Variants in PRKCSH observed in about 807,000 individuals in gnomAD.
The protein encoded by PRKCSH is PRKCSH beta subunit of glucosidase II.
In PRKCSH, 42 loss-of-function variants were observed where a neutral mutation model predicts 79.7. The observed-to-expected ratio is 0.53, with a 90% confidence interval of 0.41 to 0.68. The LOEUF (loss-of-function observed/expected upper bound fraction) is 0.68. Among genes scored for constraint, PRKCSH ranks in the 30% least tolerant of loss-of-function variants. The pLI is 0.00. For synonymous variants in PRKCSH, 325 were observed against 288.2 expected (o/e 1.13, Z -1.29); for missense variants, 686 against 709.0 (o/e 0.97, Z 0.37).
At position 11,449,936 on chromosome 19, in the gene PRKCSH, CT is replaced by C. The variant is rs1251667527; in HGVS notation, c.*16+509del. The C allele has an allele frequency of 5.6e-6, 1 of 178,920 alleles. No individual in the cohort carries two copies. The highest frequency in any genetic ancestry group is 2.4e-5 in the African/African-American group (1 of 41,884). 11.1% of individuals were successfully genotyped at this position (178,920 alleles called of 1,614,324 possible). On this transcript the variant is annotated intron_variant, in intron 17 of 17. Coordinates refer to ENST00000677123, the MANE Select transcript of PRKCSH (RefSeq NM_001289104.2). The surrounding 1 kb of genome is among the most constrained non-coding windows in gnomAD (Gnocchi z 6.4). ...CTCGGCTCACTGCAACCTCCACCTC[CT>C]GGGTGCAAGCAATTCTCCTGCCTCA...
At chr19:11,438,176 G>T (rs750388131) in intron 5 of PRKCSH, 52 bp downstream of exon 5, 60 of 1,590,254 alleles carry the variant, frequency 3.8e-5, no homozygotes, top group Non-Finnish European at 4.7e-5. Context: ...ACTTTGCCTG[G>T]CTCCACCCAG....
rs1420467895 is a variant in PRKCSH at position 11,446,326 on chromosome 19, G to A, written c.738G>A (p.Gly246=). The change falls in exon 9 of 18, where the codon GGG becomes GGA. Residue 246 remains glycine (G), a synonymous_variant. Coordinates refer to ENST00000677123, the MANE Select transcript of PRKCSH (RefSeq NM_001289104.2). Reference sequence around the variant, plus strand: ...CGGAGCTGGACACAGATGGGGATGGGGCGTTGTCAGAAGCGGAAGCTCAGG... The same window carrying A: ...CGGAGCTGGACACAGATGGGGATGGAGCGTTGTCAGAAGCGGAAGCTCAGG... ...THPELDTDGD[G]ALSEAEAQAL... is the part of the protein sequence containing the mutation. 3 of 1,613,712 alleles carry A rather than the reference G, an allele frequency of 1.9e-6. No individual in the cohort carries two copies. The African/African-American group carries it at 4.0e-5, about 22-fold the overall frequency.
At chr19:11,436,531 C>T (rs1969755547) in intron 3 of PRKCSH, 26 bp downstream of exon 3, 4 of 1,557,270 alleles carry the variant, frequency 2.6e-6, no homozygotes, top group African/African-American at 2.7e-5. Flanking sequence ...GTTCATCCAT[C>T]AGATGTTTAT....
Position 11,449,500 on chromosome 19 carries a change from C to T in PRKCSH, c.*16+72C>T, listed in dbSNP as rs1033513470. The T allele has an allele frequency of 1.3e-5, 20 of 1,576,196 alleles. No homozygotes were observed. In the Admixed American group the frequency reaches 3.4e-4, roughly 26 times the overall value. ...GCGGCGGGCCCTGAGGAAGATGGAC[C>T]CACATGGCCACTCTATCAACCTGTG... On this transcript the variant is annotated intron_variant, in intron 17 of 17. Transcript: ENST00000677123. The surrounding 1 kb of genome is among the most constrained non-coding windows in gnomAD (Gnocchi z 6.4).
At chr19:11,435,989 T>C (rs983576788) in intron 1 of PRKCSH, 52 bp from the exon 2 acceptor site, 5 of 1,296,100 alleles carry the variant, frequency 3.9e-6, no homozygotes, top group Admixed American at 1.7e-5. Context: ...AGGAATCCAA[T>C]TGGCTGGAAG....
In PRKCSH at chr19:11,448,778, A is replaced by G. The variant is rs755765482; in HGVS notation, c.1287-136A>G. 27 of 1,342,452 alleles carry G rather than the reference A, an allele frequency of 2.0e-5. No homozygotes were observed. Among genetic ancestry groups the G allele is most frequent in the Non-Finnish European group, 2.6e-5 (24 of 939,154 alleles). The allele number at this position is 1,342,452 out of a possible 1,614,324, so 83.2% of individuals were successfully genotyped here. On this transcript the variant is annotated intron_variant, in intron 14 of 17. Coordinates refer to ENST00000677123, the MANE Select transcript of PRKCSH (RefSeq NM_001289104.2). The surrounding 1 kb of genome is among the most constrained non-coding windows in gnomAD (Gnocchi z 4.4). ...TCCATATTGAGGGGGAGCAGAAGCC[A>G]GGGGCCAGGTTTAGGGTTGGTCATT...
Position 11,448,476 on chromosome 19 carries a change from T to G in PRKCSH, c.1197-64T>G. On this transcript the variant is annotated intron_variant, in intron 13 of 17. Transcript: ENST00000677123. The surrounding 1 kb of genome is among the most constrained non-coding windows in gnomAD (Gnocchi z 4.4). ...TTGCTCAGCCAGACCCTCCTGTGTC[T>G]GTCGTCCTGGGTCAGGCACTGGCGT... The G allele has an allele frequency of 4.6e-6, 7 of 1,518,482 alleles. No homozygotes were observed. The highest frequency in any genetic ancestry group is 6.4e-6 in the Non-Finnish European group (7 of 1,093,482). The allele number at this position is 1,518,482 out of a possible 1,614,324, so 94.1% of individuals were successfully genotyped here. A position where few individuals can be genotyped will look rare whatever the true frequency, so the allele number is the denominator to read the frequency against.
rs200011022 is a variant in PRKCSH, at chr19:11,439,713, C to T, written c.351-1527C>T. Among the ~76,000 whole-genome samples the T allele has an allele frequency of 1.1e-4, 16 of 149,154 alleles. No individual in the cohort carries two copies. The East Asian group carries it at 1.4e-3, about 13-fold the overall frequency. On this transcript the variant is annotated intron_variant, in intron 5 of 17. Coordinates refer to ENST00000677123, the MANE Select transcript of PRKCSH (RefSeq NM_001289104.2). ...TCGGCTCACTCTAACCTCTGCCTCC[C>T]GGGTTCAAGCGATTCTTCTGCCTTA... is the stretch of plus-strand genomic sequence containing the variant.
chr19:11,447,996 C>T lies in PRKCSH; in HGVS notation c.1126+207C>T, dbSNP rs1371383319. 12 of 759,274 alleles carry T rather than the reference C, an allele frequency of 1.6e-5. No individual in the cohort carries two copies. The highest frequency in any genetic ancestry group is 5.5e-5 in the South Asian group (3 of 54,804). 47.0% of individuals were successfully genotyped at this position (759,274 alleles called of 1,614,324 possible). On this transcript the variant is annotated intron_variant, in intron 12 of 17. Coordinates refer to ENST00000677123, the MANE Select transcript of PRKCSH (RefSeq NM_001289104.2). This position sits in a 1 kb window ranked among gnomAD's most constrained non-coding sequence, Gnocchi z 5.6. ...GGGGCCCTTCTGCCTCCCCAAGGGCCGCAGCTTGTTTGTGTCACTCCTGGC... is the reference window on the plus strand; with the variant it reads ...GGGGCCCTTCTGCCTCCCCAAGGGCTGCAGCTTGTTTGTGTCACTCCTGGC...
chr19:11,445,321 C>A (rs1371953704), intron 7 of PRKCSH, 68 bp from the exon 8 acceptor site: 10 of 1,518,118 alleles, frequency 6.6e-6, no homozygotes. Flanking sequence ...GCAAACGACC[C>A]TGTGGGGTGC....
intron 8 of PRKCSH, chr19:11,445,964 G>T (rs1451344377): frequency 1.8e-6 from 1 of 542,360 alleles, no homozygotes. Flanking sequence ...GGGGACCAAG[G>T]CAGATGGCAG....
Position 11,449,381 on chromosome 19 carries a change from C to G in PRKCSH, c.1577C>G (p.Ala526Gly). 1 of 1,613,378 alleles carries G rather than the reference C, an allele frequency of 6.2e-7. No individual in the cohort carries two copies. Among genetic ancestry groups the G allele is most frequent in the South Asian group, 1.1e-5 (1 of 91,080 alleles). ...PAACPEPPPE[A>G]PTEDDHDEL is the part of the protein sequence containing the mutation. ...GCCTGCCCGGAGCCACCGCCTGAAG[C>G]ACCCACCGAAGACGACCATGACGAG... Residue 526 changes from alanine (A) to glycine (G), a missense_variant, in exon 17 of 18, where the codon GCA becomes GGA. By Grantham distance (60) the Ala-to-Gly change is moderately conservative. This residue lies in a region of PRKCSH where 137 missense variants were observed against 188.8 expected (regional missense o/e 0.73). Transcript: ENST00000677123. The surrounding 1 kb of genome is among the most constrained non-coding windows in gnomAD (Gnocchi z 6.4).
intron 1 of PRKCSH, 122 bp from the exon 2 acceptor site, chr19:11,435,919 T>C (rs954605004): frequency 2.0e-5 from 18 of 900,130 alleles, no homozygotes; most frequent in Non-Finnish European, 1.7e-5. Flanking sequence ...ATTGGGGAGA[T>C]CGCTGCCCCT....
chr19:11,440,478 G>T (rs1184196600), intron 5 of PRKCSH, among the ~76,000 whole-genome samples: 1 of 141,452 alleles, frequency 7.1e-6, no homozygotes, highest in Admixed American at 7.2e-5. Context: ...TTAGAGTCTC[G>T]CTCTGTTGCC....
At chr19:11,446,483 GC>G in intron 9 of PRKCSH, 133 bp downstream of exon 9, 1 of 1,057,596 alleles carries the variant, frequency 9.5e-7, no homozygotes, top group Non-Finnish European at 1.4e-6. Context: ...TGGGATGGCA[GC>G]CACTCAGGGC....
Position 11,447,317 on chromosome 19 carries a change from C to T in PRKCSH, c.850-122C>T, listed in dbSNP as rs1970355763. 1 of 1,346,430 alleles carries T rather than the reference C, an allele frequency of 7.4e-7. No individual in the cohort carries two copies. The highest frequency in any genetic ancestry group is 2.0e-5 in the Admixed American group (1 of 51,056). 83.4% of individuals were successfully genotyped at this position (1,346,430 alleles called of 1,614,324 possible). A position where few individuals can be genotyped will look rare whatever the true frequency, so the allele number is the denominator to read the frequency against. On this transcript the variant is annotated intron_variant, in intron 10 of 17. Coordinates refer to ENST00000677123, the MANE Select transcript of PRKCSH (RefSeq NM_001289104.2). The surrounding 1 kb of genome is among the most constrained non-coding windows in gnomAD (Gnocchi z 5.6). ...AGACCCCCCGACCCCAGCTGTCGGT[C>T]CTCCCTGCAGGCCCCGCAGGAGGGG...
rs1568359568 is a variant in PRKCSH, at chr19:11,436,411, C to T, written c.102C>T (p.Ser34=). The T allele has an allele frequency of 6.2e-7, 1 of 1,614,172 alleles. No homozygotes were observed. The highest frequency in any genetic ancestry group is 1.1e-5 in the South Asian group (1 of 91,082). ...CAGATCATCACTTCTACGATGAGTC[C>T]AAGCCTTTCACCTGCCTGGACGGTT... ...SLTNHHFYDE[S]KPFTCLDGSA... The change falls in exon 3 of 18, where the codon TCC becomes TCT. Residue 34 remains serine, a synonymous_variant. Coordinates refer to ENST00000677123, the MANE Select transcript of PRKCSH (RefSeq NM_001289104.2).
Position 11,449,486 on chromosome 19 carries a change from TG to T in PRKCSH, c.*16+59del. The T allele has an allele frequency of 6.2e-7, 1 of 1,604,838 alleles. No homozygotes were observed. Among genetic ancestry groups the T allele is most frequent in the Middle Eastern group, 1.7e-4 (1 of 5,926 alleles). ...CCCAGCAAGGGGAGGCGGCGGGCCC[TG>T]AGGAAGATGGACCCACATGGCCACT... is the stretch of plus-strand genomic sequence containing the variant. On this transcript the variant is annotated intron_variant, in intron 17 of 17. Coordinates refer to ENST00000677123, the MANE Select transcript of PRKCSH (RefSeq NM_001289104.2). The surrounding 1 kb of genome is among the most constrained non-coding windows in gnomAD (Gnocchi z 6.4).
Position 11,449,382 on chromosome 19 carries a change from A to G in PRKCSH, c.1578A>G (p.Ala526=). ...CCTGCCCGGAGCCACCGCCTGAAGC[A>G]CCCACCGAAGACGACCATGACGAGC... ...PAACPEPPPE[A]PTEDDHDEL The change falls in exon 17 of 18, where the codon GCA becomes GCG. Residue 526 remains alanine (A), a synonymous_variant. Coordinates refer to ENST00000677123, the MANE Select transcript of PRKCSH (RefSeq NM_001289104.2). This position sits in a 1 kb window ranked among gnomAD's most constrained non-coding sequence, Gnocchi z 6.4. 1 of 1,613,198 alleles carries G rather than the reference A, an allele frequency of 6.2e-7. No individual in the cohort carries two copies. The highest frequency in any genetic ancestry group is 8.5e-7 in the Non-Finnish European group (1 of 1,179,926).
Sources: gnomAD v4.1 joint callset for allele counts (sites outside exome capture counted in the v4.1 genomes callset) on GRCh38, gnomAD v4.1.1 for gene constraint, gnomAD v4.1.1 regional missense constraint, Gnocchi (gnomAD v3.1) non-coding constraint, MANE v1.5 for transcripts, NCBI Gene and HGNC (gene_info 2026-07-23, HGNC 2026-07-21) for gene names.